Variants in COL22A1 observed in about 807,000 individuals in gnomAD.
COL22A1 encodes collagen type XXII alpha 1 chain.
A neutral mutation model predicts 248.9 loss-of-function variants in COL22A1; 221 were observed. That is an observed-to-expected ratio of 0.89 (90% CI 0.80 to 0.99). The LOEUF (loss-of-function observed/expected upper bound fraction) is 0.99. COL22A1 is among the 50% of genes least tolerant of loss of function. The pLI, the probability that COL22A1 is intolerant of heterozygous loss-of-function variation, is 0.00. For synonymous variants in COL22A1, 891 were observed against 793.4 expected (o/e 1.12, Z -2.07); for missense variants, 2,240 against 2,179.0 (o/e 1.03, Z -0.56).
At chr8:138,709,112 G>A (rs1828732054) in intron 30 of COL22A1, among the ~76,000 whole-genome samples, 1 of 152,176 alleles carries the variant, frequency 6.6e-6, no homozygotes, top group South Asian at 2.1e-4. Flanking sequence ...CAGTTAGAAT[G>A]GGGAACATTA....
intron 15 of COL22A1, 67 bp from the exon 16 acceptor site, chr8:138,776,077 T>TGTCC: frequency 6.5e-7 from 1 of 1,541,602 alleles, no homozygotes; most frequent in Non-Finnish European, 9.0e-7. Context: ...ACCGTGGGGG[T>TGTCC]GTCCATGGAG....
intron 35 of COL22A1, 77 bp from the exon 36 acceptor site, chr8:138,690,951 C>T: frequency 3.3e-6 from 4 of 1,194,268 alleles, no homozygotes; most frequent in Non-Finnish European, 4.7e-6. Flanking sequence ...TGCAAATCTG[C>T]CTCATACTCA....
chr8:138,588,985 G>T lies in COL22A1; in HGVS notation c.*268C>A. On this transcript the variant is annotated 3_prime_UTR_variant, in exon 65 of 65. Coordinates refer to ENST00000303045, the MANE Select transcript of COL22A1 (RefSeq NM_152888.3). The stretch of plus-strand genomic sequence containing the variant: ...CAAGTTTTCCCAACTTTAAAGGAGT[G>T]GAAAAGAACTCACAAAGCATCAGCA... The T allele has an allele frequency of 3.2e-6, 1 of 312,260 alleles. No homozygotes were observed. Among genetic ancestry groups the T allele is most frequent in the Non-Finnish European group, 5.8e-6 (1 of 173,782 alleles). The allele number at this position is 312,260 out of a possible 1,614,324, so 19.3% of individuals were successfully genotyped here.
intron 43 of COL22A1, among the ~76,000 whole-genome samples, chr8:138,661,399 C>T (rs1212722799): frequency 6.6e-6 from 1 of 152,148 alleles, no homozygotes; most frequent in Non-Finnish European, 1.5e-5. Flanking sequence ...TGCCAGACAC[C>T]TTTGTCCTAT....
chr8:138,643,804 A>T (rs1168646330), intron 47 of COL22A1, among the ~76,000 whole-genome samples: 1 of 152,108 alleles, frequency 6.6e-6, no homozygotes, highest in Non-Finnish European at 1.5e-5. Context: ...GGTTCAAGCG[A>T]TTCTTATGCC....
intron 3 of COL22A1, among the ~76,000 whole-genome samples, chr8:138,857,239 C>G (rs1336629141): frequency 3.3e-5 from 5 of 152,144 alleles, no homozygotes; most frequent in Non-Finnish European, 4.4e-5. Flanking sequence ...GGCCCAGGTC[C>G]ACTACCACTG....
intron 5 of COL22A1, among the ~76,000 whole-genome samples, chr8:138,827,517 C>A (rs762994241): frequency 6.6e-6 from 1 of 152,006 alleles, no homozygotes; most frequent in Non-Finnish European, 1.5e-5. Flanking sequence ...TTTGTCATGG[C>A]GGCCAGAATA....
intron 12 of COL22A1, among the ~76,000 whole-genome samples, chr8:138,782,225 G>A (rs376221844): frequency 2.1e-4 from 32 of 152,326 alleles, no homozygotes; most frequent in African/African-American, 7.7e-4. Context: ...CTGGCTGTGA[G>A]ACCTTTTCTT....
chr8:138,685,922 C>G (rs1425054890), intron 37 of COL22A1, among the ~76,000 whole-genome samples: 1 of 152,134 alleles, frequency 6.6e-6, no homozygotes, highest in Admixed American at 6.6e-5. Flanking sequence ...GACCTCCCAC[C>G]CAGTGCGGGC....
At chr8:138,686,222 G>A (rs1826335383) in intron 37 of COL22A1, among the ~76,000 whole-genome samples, 1 of 152,214 alleles carries the variant, frequency 6.6e-6, no homozygotes, top group Admixed American at 6.5e-5. Context: ...GAGTGTGAGA[G>A]TGCTAGCATG....
chr8:138,761,307 A>T (rs1563726149), intron 17 of COL22A1, among the ~76,000 whole-genome samples: 1 of 152,214 alleles, frequency 6.6e-6, no homozygotes, highest in Non-Finnish European at 1.5e-5. Context: ...GATATTTTTA[A>T]GCAAGTCAAT....
intron 23 of COL22A1, among the ~76,000 whole-genome samples, chr8:138,736,263 G>T (rs1312489217): frequency 6.6e-6 from 1 of 151,854 alleles, no homozygotes; most frequent in Non-Finnish European, 1.5e-5. Context: ...GCCCAGATCA[G>T]GGGACAGGAG....
intron 41 of COL22A1, among the ~76,000 whole-genome samples, chr8:138,674,044 C>G (rs962427964): frequency 6.6e-6 from 1 of 152,096 alleles, no homozygotes; most frequent in African/African-American, 2.4e-5. Flanking sequence ...AGTAACATAC[C>G]CTCCCCTTGG....
intron 18 of COL22A1, 72 bp from the exon 19 acceptor site, chr8:138,755,901 G>A: frequency 2.2e-6 from 3 of 1,369,018 alleles, no homozygotes; most frequent in Non-Finnish European, 3.1e-6. Flanking sequence ...TCCCTCTGAG[G>A]CTTATTCTTG....
intron 6 of COL22A1, chr8:138,826,037 A>G (rs1466379904): frequency 1.3e-5 from 2 of 152,396 alleles, no homozygotes; most frequent in Non-Finnish European, 2.9e-5. Flanking sequence ...GTGAGTAAAG[A>G]CAGGACCCAG....
intron 22 of COL22A1, among the ~76,000 whole-genome samples, chr8:138,741,609 T>C (rs1831564323): frequency 6.6e-6 from 1 of 152,216 alleles, no homozygotes. Context: ...GTGATGAGAA[T>C]GAGGAGGAAG....
At chr8:138,602,965 TAGAC>T (rs780682763) in intron 59 of COL22A1, among the ~76,000 whole-genome samples, 14 of 152,224 alleles carry the variant, frequency 9.2e-5, no homozygotes, top group Non-Finnish European at 1.9e-4. Flanking sequence ...GCCTGCCTCT[TAGAC>T]AGCACACATT....
chr8:138,671,474 G>A (rs1825021125), intron 41 of COL22A1, among the ~76,000 whole-genome samples: 1 of 152,228 alleles, frequency 6.6e-6, no homozygotes, highest in Non-Finnish European at 1.5e-5. Context: ...CTCAAGTGTT[G>A]TGAGTATCTG....
At chr8:138,621,098 A>G (rs1819764926) in intron 52 of COL22A1, among the ~76,000 whole-genome samples, 1 of 152,166 alleles carries the variant, frequency 6.6e-6, no homozygotes, top group Non-Finnish European at 1.5e-5. Flanking sequence ...GAGCAACTCA[A>G]CTTGAAGAGG....
Sources: allele counts gnomAD v4.1 joint callset (sites outside exome capture counted in the v4.1 genomes callset), GRCh38; gene constraint gnomAD v4.1.1; transcripts MANE v1.5; gene names NCBI Gene and HGNC (gene_info 2026-07-23, HGNC 2026-07-21).